PCDHGB7: variants seen among roughly 807,000 people sequenced by gnomAD.
The protein encoded by PCDHGB7 is protocadherin gamma subfamily B, 7.
A neutral mutation model predicts 61.4 loss-of-function variants in PCDHGB7; 37 were observed. The observed-to-expected ratio is 0.60, with a 90% CI of 0.46 to 0.79. PCDHGB7 has a LOEUF of 0.79. PCDHGB7 is among the 30% of genes least tolerant of loss of function. PCDHGB7 has a pLI of 0.00. For missense variants in PCDHGB7, 1,166 were observed against 1,202.5 expected, an observed-to-expected ratio of 0.97 and a Z score of 0.45; for synonymous variants, 464 against 503.5, an observed-to-expected ratio of 0.92 and a Z score of 1.05.
intron 1 of PCDHGB7, among the ~76,000 whole-genome samples, chr5:141,448,040 C>T (rs892207188): frequency 6.6e-6 from 1 of 151,850 alleles, no homozygotes; most frequent in Admixed American, 6.6e-5. Context: ...GAGCCAAGAT[C>T]ATGCCATTGC....
At chr5:141,461,302 T>A (rs1009664719) in intron 1 of PCDHGB7, among the ~76,000 whole-genome samples, 3 of 152,142 alleles carry the variant, frequency 2.0e-5, no homozygotes. Flanking sequence ...CAACATCTAT[T>A]GTTTTTTGAC....
chr5:141,431,273 C>T lies in PCDHGB7; in HGVS notation c.2415+10999C>T, dbSNP rs752219345. 54 of 1,614,068 alleles carry T rather than the reference C, an allele frequency of 3.3e-5. No individual in the cohort carries two copies. Among genetic ancestry groups the T allele is most frequent in the Non-Finnish European group, 4.1e-5 (48 of 1,180,052 alleles). On this transcript the variant is annotated intron_variant, in intron 1 of 3. Transcript: ENST00000398594. The surrounding 1 kb of genome is among the most constrained non-coding windows in gnomAD (Gnocchi z 4.8). Reference sequence around the variant, plus strand: ...GAAGAACTCTCTGCAGAGCTACGAGCTCAGCCCGAACACTCACTTCTCCCT... The same window carrying T: ...GAAGAACTCTCTGCAGAGCTACGAGTTCAGCCCGAACACTCACTTCTCCCT...
chr5:141,489,166 C>A lies in PCDHGB7; in HGVS notation c.2416-5641C>A. The A allele has an allele frequency of 9.1e-7, 1 of 1,099,536 alleles. No individual in the cohort carries two copies. The highest frequency in any genetic ancestry group is 1.3e-6 in the Non-Finnish European group (1 of 761,554). The allele number at this position is 1,099,536 out of a possible 1,614,324, so 68.1% of individuals were successfully genotyped here. ...AAGGAGACATAAGAGACTTCAGCTGCTGCATTCCAAGCCCTGGGTCTACCT... is the reference window on the plus strand; with the variant it reads ...AAGGAGACATAAGAGACTTCAGCTGATGCATTCCAAGCCCTGGGTCTACCT... On this transcript the variant is annotated intron_variant, in intron 1 of 3. Transcript: ENST00000398594. This position sits in a 1 kb window ranked among gnomAD's most constrained non-coding sequence, Gnocchi z 4.5.
intron 3 of PCDHGB7, among the ~76,000 whole-genome samples, chr5:141,506,682 C>A (rs1333272766): frequency 6.6e-6 from 1 of 152,192 alleles, no homozygotes; most frequent in East Asian, 1.9e-4. Context: ...ATATTATTAT[C>A]TTTGCTGACC....
chr5:141,489,174 C>A lies in PCDHGB7; in HGVS notation c.2416-5633C>A. On this transcript the variant is annotated intron_variant, in intron 1 of 3. Coordinates refer to ENST00000398594, the MANE Select transcript of PCDHGB7 (RefSeq NM_018927.4). The surrounding 1 kb of genome is among the most constrained non-coding windows in gnomAD (Gnocchi z 4.5). ...ATAAGAGACTTCAGCTGCTGCATTC[C>A]AAGCCCTGGGTCTACCTTGGAGACA... The A allele has an allele frequency of 8.2e-7, 1 of 1,224,772 alleles. No individual in the cohort carries two copies. 75.9% of individuals were successfully genotyped at this position (1,224,772 alleles called of 1,614,324 possible).
At chr5:141,433,318 G>A (rs1659490277) in intron 1 of PCDHGB7, 2 of 788,746 alleles carry the variant, frequency 2.5e-6, no homozygotes, top group Non-Finnish European at 4.0e-6. Context: ...CTTTGCCTCC[G>A]GTGTAACAGG....
Position 141,431,412 on chromosome 5 carries a change from GC to G in PCDHGB7, c.2415+11139del. ...CTGGTCCTTACGGCCTCCGACGGGG[GC>G]GACCCGGTGCGCACAGGCACCGCGC... On this transcript the variant is annotated intron_variant, in intron 1 of 3. Coordinates refer to ENST00000398594, the MANE Select transcript of PCDHGB7 (RefSeq NM_018927.4). The surrounding 1 kb of genome is among the most constrained non-coding windows in gnomAD (Gnocchi z 4.8). The G allele has an allele frequency of 6.2e-7, 1 of 1,613,714 alleles. No homozygotes were observed. Among genetic ancestry groups the G allele is most frequent in the Non-Finnish European group, 8.5e-7 (1 of 1,180,050 alleles).
chr5:141,465,440 A>T (rs1478987071), intron 1 of PCDHGB7, among the ~76,000 whole-genome samples: 1 of 152,194 alleles, frequency 6.6e-6, no homozygotes, highest in Non-Finnish European at 1.5e-5. Flanking sequence ...CTTAATGATT[A>T]CCCAAGAAAA....
intron 1 of PCDHGB7, among the ~76,000 whole-genome samples, chr5:141,425,497 CT>C (rs2096879671): frequency 6.6e-6 from 1 of 152,164 alleles, no homozygotes; most frequent in African/African-American, 2.4e-5. Context: ...TAGGCTATAC[CT>C]TTATATTCTC....
At chr5:141,453,001 G>C (rs1225973632) in intron 1 of PCDHGB7, among the ~76,000 whole-genome samples, 3 of 152,168 alleles carry the variant, frequency 2.0e-5, no homozygotes, top group African/African-American at 7.2e-5. Flanking sequence ...AAAGTTACCT[G>C]TAGTATAGTT....
chr5:141,486,371 G>T lies in PCDHGB7; in HGVS notation c.2416-8436G>T. 1.9e-6 allele frequency: 3 copies of T among 1,614,138 alleles called. No homozygotes were observed. The highest frequency in any genetic ancestry group is 2.5e-6 in the Non-Finnish European group (3 of 1,180,010). On this transcript the variant is annotated intron_variant, in intron 1 of 3. Coordinates refer to ENST00000398594, the MANE Select transcript of PCDHGB7 (RefSeq NM_018927.4). The surrounding 1 kb of genome is among the most constrained non-coding windows in gnomAD (Gnocchi z 5.0). ...CCACTTGCCATTTGCCCTCAAGTCT[G>T]CCTTCAGGAACCAGTTCTCCCTGGT...
rs760484009 is a variant in PCDHGB7, at chr5:141,418,102, C to T, written c.243C>T (p.Ser81=). 15 of 1,614,014 alleles carry T rather than the reference C, an allele frequency of 9.3e-6. No homozygotes were observed. The highest frequency in any genetic ancestry group is 1.3e-5 in the Non-Finnish European group (15 of 1,179,896). The change falls in exon 1 of 4, where the codon AGC becomes AGT. Residue 81 remains serine (S), a synonymous_variant. Coordinates refer to ENST00000398594, the MANE Select transcript of PCDHGB7 (RefSeq NM_018927.4). The part of the protein sequence containing the change: ...EKLHFSVDAQ[S]GDLLVKDRID... ...TGCACTTCAGCGTAGACGCGCAGAG[C>T]GGGGACTTACTTGTGAAGGACCGAA...
At chr5:141,427,222 A>T (rs536161247) in intron 1 of PCDHGB7, 8 of 456,774 alleles carry the variant, frequency 1.8e-5, no homozygotes, top group Non-Finnish European at 3.5e-5. Flanking sequence ...CGTAGCAGTT[A>T]TACCATGAGA....
At chr5:141,429,599 A>G (rs2097227286) in intron 1 of PCDHGB7, among the ~76,000 whole-genome samples, 1 of 152,238 alleles carries the variant, frequency 6.6e-6, no homozygotes, top group Non-Finnish European at 1.5e-5. Flanking sequence ...TAATTCAAGT[A>G]AACTCAATTT....
At chr5:141,450,835 T>TATTA (rs1438371595) in intron 1 of PCDHGB7, among the ~76,000 whole-genome samples, 1 of 142,096 alleles carries the variant, frequency 7.0e-6, no homozygotes, top group Admixed American at 6.9e-5. Context: ...TATTATTTTT[T>TATTA]TTTTTTTGAG....
rs2099661624 is a variant in PCDHGB7, at chr5:141,487,712, G to A, written c.2416-7095G>A. The stretch of plus-strand genomic sequence containing the variant: ...AGAGAGTACTGGCCTCTCAGTAAGT[G>A]CCCATAGTGATGTCACCATTTTTGT... On this transcript the variant is annotated intron_variant, in intron 1 of 3. Coordinates refer to ENST00000398594, the MANE Select transcript of PCDHGB7 (RefSeq NM_018927.4). The surrounding 1 kb of genome is among the most constrained non-coding windows in gnomAD (Gnocchi z 5.0). The A allele has an allele frequency of 5.0e-6, 8 of 1,585,892 alleles. No individual in the cohort carries two copies. The highest frequency in any genetic ancestry group is 1.1e-5 in the South Asian group (1 of 87,950).
At chr5:141,508,588 C>G (rs1721443459) in intron 3 of PCDHGB7, among the ~76,000 whole-genome samples, 1 of 152,176 alleles carries the variant, frequency 6.6e-6, no homozygotes, top group African/African-American at 2.4e-5. Context: ...GGGTGCTACT[C>G]AGAGATCTTG....
At position 141,486,891 on chromosome 5, in the gene PCDHGB7, G is replaced by C. The variant is rs201201426; in HGVS notation, c.2416-7916G>C. On this transcript the variant is annotated intron_variant, in intron 1 of 3. Transcript: ENST00000398594. This position sits in a 1 kb window ranked among gnomAD's most constrained non-coding sequence, Gnocchi z 5.0. ...GTGCTCCGTCCTCGGGCCCGGCCTGGTTCCTTATGTCCCCAAGCACTGCCT... is the reference window on the plus strand; with the variant it reads ...GTGCTCCGTCCTCGGGCCCGGCCTGCTTCCTTATGTCCCCAAGCACTGCCT... 14 of 1,614,118 alleles carry C rather than the reference G, an allele frequency of 8.7e-6. No homozygotes were observed. The highest frequency in any genetic ancestry group is 3.3e-5 in the Admixed American group (2 of 60,008).
At chr5:141,443,088 T>G (rs188899890) in intron 1 of PCDHGB7, among the ~76,000 whole-genome samples, 1 of 151,974 alleles carries the variant, frequency 6.6e-6, no homozygotes, top group African/African-American at 2.4e-5. Context: ...TGTTCCAGTC[T>G]CCTTCTCAAG....
Sources: gnomAD v4.1 joint callset for allele counts (sites outside exome capture counted in the v4.1 genomes callset) on GRCh38, gnomAD v4.1.1 for gene constraint, Gnocchi (gnomAD v3.1) non-coding constraint, MANE v1.5 for transcripts, NCBI Gene and HGNC (gene_info 2026-07-23, HGNC 2026-07-21) for gene names.